Variants in OPCML observed in about 807,000 individuals in gnomAD.
OPCML encodes the protein opioid-binding protein/cell adhesion molecule.
OPCML carries 13 observed loss-of-function variants against 37.8 expected under a neutral mutation model. That is an observed-to-expected ratio of 0.34 (90% CI 0.22 to 0.55). OPCML has a LOEUF of 0.55. Among genes scored for constraint, OPCML ranks in the 20% least tolerant of loss-of-function variants. OPCML has a pLI of 0.91. For missense variants in OPCML, 341 were observed against 435.6 expected (o/e 0.78, Z 1.93); for synonymous variants, 176 against 168.8 (o/e 1.04, Z -0.33).
At chr11:132,651,674 G>C (rs1175757885) in intron 3 of OPCML, among the ~76,000 whole-genome samples, 1 of 152,156 alleles carries the variant, frequency 6.6e-6, no homozygotes, top group Non-Finnish European at 1.5e-5. Context: ...CAATATCTAG[G>C]ACTGGCAGGG....
chr11:132,766,358 G>T (rs1055294056), intron 2 of OPCML, among the ~76,000 whole-genome samples: 2 of 152,268 alleles, frequency 1.3e-5, no homozygotes, highest in Admixed American at 1.3e-4. Context: ...ACATTAAAGT[G>T]GAGAATCCTG....
At chr11:132,502,529 C>T (rs1043776732) in intron 4 of OPCML, among the ~76,000 whole-genome samples, 1 of 152,140 alleles carries the variant, frequency 6.6e-6, no homozygotes, top group African/African-American at 2.4e-5. Context: ...TTCCTCAGAA[C>T]ACACAGGCTG....
intron 3 of OPCML, among the ~76,000 whole-genome samples, chr11:132,650,938 T>C (rs1164294170): frequency 2.0e-5 from 3 of 152,324 alleles, no homozygotes; most frequent in Non-Finnish European, 2.9e-5. Flanking sequence ...TTGGGTAATA[T>C]TTAGGAAAAG....
intron 2 of OPCML, among the ~76,000 whole-genome samples, chr11:132,894,681 C>T (rs1943770861): frequency 1.3e-5 from 2 of 152,204 alleles, no homozygotes; most frequent in South Asian, 2.1e-4. Flanking sequence ...ATCTCATAGG[C>T]TGGGGGCCCA....
chr11:132,735,704 C>T (rs4937717), intron 2 of OPCML, among the ~76,000 whole-genome samples: 37,896 of 152,042 alleles, frequency 0.25, 5,187 homozygotes, highest in Non-Finnish European at 0.31. Context: ...AGGATGGTCT[C>T]GATCTCCTGA....
intron 3 of OPCML, among the ~76,000 whole-genome samples, chr11:132,649,057 C>T (rs574669251): frequency 2.6e-5 from 4 of 152,062 alleles, no homozygotes; most frequent in Admixed American, 1.3e-4. Flanking sequence ...ACTGTGTGAG[C>T]GTGTGTGTGG....
chr11:132,751,447 G>A (rs1238950573), intron 2 of OPCML, among the ~76,000 whole-genome samples: 1 of 152,202 alleles, frequency 6.6e-6, no homozygotes, highest in Admixed American at 6.5e-5. Context: ...CAAACCTTGA[G>A]GAGATTTCAG....
chr11:132,845,759 C>G (rs2136314919), intron 2 of OPCML, among the ~76,000 whole-genome samples: 1 of 152,330 alleles, frequency 6.6e-6, no homozygotes, highest in East Asian at 1.9e-4. Flanking sequence ...AAAGCTTACT[C>G]TCTCTGTCTT....
intron 1 of OPCML, among the ~76,000 whole-genome samples, chr11:132,981,133 G>A (rs1257847518): frequency 1.3e-5 from 2 of 152,182 alleles, no homozygotes; most frequent in East Asian, 1.9e-4. Context: ...TGATCCAAAC[G>A]TCGTTACGCA....
At chr11:132,735,781 C>T (rs1945236892) in intron 2 of OPCML, among the ~76,000 whole-genome samples, 1 of 152,094 alleles carries the variant, frequency 6.6e-6, no homozygotes, top group African/African-American at 2.4e-5. Context: ...CCGCACCTGG[C>T]CACAAAAGGA....
intron 1 of OPCML, among the ~76,000 whole-genome samples, chr11:133,223,210 C>A (rs1485561271): frequency 2.0e-5 from 3 of 152,168 alleles, no homozygotes; most frequent in Non-Finnish European, 4.4e-5. Flanking sequence ...TCTTCACCGC[C>A]CAGTGCAATG....
chr11:133,000,066 T>C (rs1178043072), intron 1 of OPCML, among the ~76,000 whole-genome samples: 2 of 152,186 alleles, frequency 1.3e-5, no homozygotes, highest in African/African-American at 4.8e-5. Flanking sequence ...GTTTTTGTTT[T>C]TTTGTTTTGA....
At chr11:132,845,365 G>T (rs1319218010) in intron 2 of OPCML, among the ~76,000 whole-genome samples, 1 of 152,258 alleles carries the variant, frequency 6.6e-6, no homozygotes, top group South Asian at 2.1e-4. Context: ...CTTAAGAAAA[G>T]CATCTTTAGG....
At chr11:132,824,175 C>A (rs1344993432) in intron 2 of OPCML, among the ~76,000 whole-genome samples, 3 of 152,192 alleles carry the variant, frequency 2.0e-5, no homozygotes, top group African/African-American at 7.2e-5. Flanking sequence ...TCTGAACCAT[C>A]ACTCATGCCT....
chr11:133,244,181 C>T (rs940838553), intron 1 of OPCML, among the ~76,000 whole-genome samples: 8 of 152,152 alleles, frequency 5.3e-5, no homozygotes, highest in African/African-American at 1.9e-4. Flanking sequence ...GACTATCCGG[C>T]TTGGAATGCC....
chr11:133,026,640 T>G, intron 1 of OPCML: 5 of 948,948 alleles, frequency 5.3e-6, no homozygotes, highest in Non-Finnish European at 6.3e-6. Flanking sequence ...ACTTGCCTCT[T>G]GTTGTTTTGT....
chr11:132,541,620 A>G (rs2137371995), intron 3 of OPCML, among the ~76,000 whole-genome samples: 1 of 152,172 alleles, frequency 6.6e-6, no homozygotes, highest in Non-Finnish European at 1.5e-5. Context: ...CATCTTATGG[A>G]AACCCTACAT....
chr11:132,703,603 G>A (rs1247128377), intron 2 of OPCML, among the ~76,000 whole-genome samples: 1 of 152,228 alleles, frequency 6.6e-6, no homozygotes, highest in African/African-American at 2.4e-5. Flanking sequence ...TAGGCTTGCT[G>A]TTAGAGTTCT....
chr11:133,156,224 A>G (rs980400561), intron 1 of OPCML, among the ~76,000 whole-genome samples: 2 of 152,112 alleles, frequency 1.3e-5, no homozygotes, highest in Non-Finnish European at 2.9e-5. Context: ...CTCTTACAAC[A>G]TGCTATAGAA....
Sources: allele counts gnomAD v4.1 joint callset (sites outside exome capture counted in the v4.1 genomes callset), GRCh38; gene constraint gnomAD v4.1.1; transcripts MANE v1.5; gene names NCBI Gene and HGNC (gene_info 2026-07-23, HGNC 2026-07-21).